The following ALG5 variants were observed in gnomAD, a reference collection of about 807,000 sequenced individuals.
ALG5 encodes ALG5 dolichyl-phosphate beta-glucosyltransferase, also known as dolichyl-phosphate beta-glucosyltransferase.
Under a neutral mutation model 51.8 loss-of-function variants are expected in ALG5, and 26 were observed. The ratio of observed to expected loss-of-function variants is 0.50; its 90% CI spans 0.37 to 0.70. The LOEUF is 0.70. ALG5 is among the 30% of genes least tolerant of loss of function. The pLI is 0.00. For missense variants in ALG5, 311 were observed against 399.3 expected (o/e 0.78, Z 1.88); for synonymous variants, 141 against 136.1 (o/e 1.04, Z -0.25).
At chr13:36,972,801 G>A (rs2058930969) in intron 6 of ALG5, among the ~76,000 whole-genome samples, 1 of 151,954 alleles carries the variant, frequency 6.6e-6, no homozygotes, top group Non-Finnish European at 1.5e-5. Context: ...GATCATCCTG[G>A]CTAACACAGC....
intron 4 of ALG5, among the ~76,000 whole-genome samples, chr13:36,992,261 CT>C (rs1264694853): frequency 2.6e-5 from 4 of 152,166 alleles, no homozygotes; most frequent in African/African-American, 4.8e-5. Flanking sequence ...AGAAAGTGGT[CT>C]TTACATCTTT....
chr13:36,950,267 C>G (rs1180446394), intron 9 of ALG5, among the ~76,000 whole-genome samples: 2 of 151,984 alleles, frequency 1.3e-5, no homozygotes, highest in Non-Finnish European at 2.9e-5. Context: ...TGAAATGAAA[C>G]TTGAGAGGAT....
chr13:36,966,518 A>T (rs1485152189), intron 7 of ALG5, among the ~76,000 whole-genome samples: 2 of 152,030 alleles, frequency 1.3e-5, no homozygotes, highest in African/African-American at 2.4e-5. Flanking sequence ...AAATAACAAA[A>T]TTTTTTTTAG....
rs552412658 is a variant in ALG5, at chr13:36,977,892, T to C, written c.562-5856A>G. ...AAATCAATCAAAATCTTTCTCAGTA[T>C]TTTTTTTTTTTTTTAATGGAATCTC... On this transcript the variant is annotated intron_variant, in intron 6 of 9. Transcript: ENST00000239891. 1.6e-4 allele frequency among the ~76,000 whole-genome samples: 8 copies of C among 50,868 alleles called. No homozygotes were observed. In the East Asian group the frequency reaches 0.026, roughly 164 times the overall value. 33.4% of individuals were successfully genotyped at this position (50,868 alleles called of 152,430 possible).
At chr13:36,950,863 G>C (rs1339418190) in intron 9 of ALG5, among the ~76,000 whole-genome samples, 2 of 151,976 alleles carry the variant, frequency 1.3e-5, no homozygotes, top group Non-Finnish European at 2.9e-5. Flanking sequence ...TGGGATTACA[G>C]GCATGAGTGA....
At position 36,949,935 on chromosome 13, in the gene ALG5, A is replaced by C; in HGVS notation, c.*7T>G. On this transcript the variant is annotated 3_prime_UTR_variant, in exon 10 of 10. Transcript: ENST00000239891. ...GCATAAGAACACAACTGAAGACTGC[A>C]AACAACCTAATTCATTTTCCGAGTT... 5.0e-6 allele frequency: 8 copies of C among 1,594,734 alleles called. No homozygotes were observed. Among genetic ancestry groups the C allele is most frequent in the South Asian group, 1.1e-5 (1 of 89,252 alleles).
rs560480476 is a variant in ALG5 at position 36,952,319 on chromosome 13, G to T, written c.859+195C>A. On this transcript the variant is annotated intron_variant, in intron 9 of 9. Transcript: ENST00000239891. The stretch of plus-strand genomic sequence containing the variant: ...AGGCCTACTGAAGGCCCCATGAACA[G>T]ACAAAAAATATAAAAGGCAGCAAGC... Among the ~76,000 whole-genome samples, 30 of 152,168 alleles carry T rather than the reference G, an allele frequency of 2.0e-4. No individual in the cohort carries two copies. The South Asian group carries it at 6.2e-3, about 32-fold the overall frequency.
At chr13:36,995,999 GGAA>G (rs2059048404) in intron 1 of ALG5, among the ~76,000 whole-genome samples, 2 of 152,236 alleles carry the variant, frequency 1.3e-5, no homozygotes, top group South Asian at 4.1e-4. Flanking sequence ...ATCGCTACTT[GGAA>G]TCTATATGTG....
chr13:36,993,807 A>C, intron 3 of ALG5, 135 bp from the exon 4 acceptor site: 1 of 675,340 alleles, frequency 1.5e-6, no homozygotes. Context: ...TTAGTGCACA[A>C]ACCGCATAAA....
At chr13:36,964,565 A>G (rs1209602947) in intron 8 of ALG5, among the ~76,000 whole-genome samples, 2 of 152,150 alleles carry the variant, frequency 1.3e-5, no homozygotes, top group African/African-American at 4.8e-5. Flanking sequence ...GGAGTATCAA[A>G]TGCTGCTGAT....
rs535981612 is a variant in ALG5, at chr13:36,999,176, C to T, written c.66+59G>A. On this transcript the variant is annotated intron_variant, in intron 1 of 9. Coordinates refer to ENST00000239891, the MANE Select transcript of ALG5 (RefSeq NM_013338.5). ...GCGGAGGAGGGGACGCCTGAGGAGC[C>T]GCAGTCTCCAGGAGAGCGGTAAGCC... 2,432 of 1,427,714 alleles carry T rather than the reference C, an allele frequency of 1.7e-3. 5 individuals carry two copies. The highest frequency in any genetic ancestry group is 2.1e-3 in the Non-Finnish European group (2,258 of 1,075,124). 88.4% of individuals were successfully genotyped at this position (1,427,714 alleles called of 1,614,324 possible).
intron 1 of ALG5, 56 bp downstream of exon 1, chr13:36,999,179 A>G: frequency 2.1e-6 from 3 of 1,430,330 alleles, no homozygotes; most frequent in Non-Finnish European, 2.8e-6. Context: ...GAGGAGCCGC[A>G]GTCTCCAGGA....
chr13:36,955,600 AAAG>A (rs1175846469), intron 8 of ALG5, among the ~76,000 whole-genome samples: 4 of 151,686 alleles, frequency 2.6e-5, no homozygotes, highest in Non-Finnish European at 5.9e-5. Context: ...CAAAACTAGA[AAAG>A]AAGAGAGAAG....
chr13:36,994,383 G>C (rs1188192722), intron 3 of ALG5, among the ~76,000 whole-genome samples: 26 of 152,060 alleles, frequency 1.7e-4, no homozygotes, highest in Admixed American at 1.6e-3. Context: ...TCCAATGGCA[G>C]CTAATGTTAC....
At chr13:36,971,870 T>C (rs966522045) in intron 7 of ALG5, 107 bp downstream of exon 7, 1 of 740,588 alleles carries the variant, frequency 1.4e-6, no homozygotes, top group Non-Finnish European at 2.2e-6. Flanking sequence ...AGGAACCTCA[T>C]GTTTAAGAGA....
At chr13:36,977,576 G>C (rs1468701140) in intron 6 of ALG5, among the ~76,000 whole-genome samples, 1 of 151,922 alleles carries the variant, frequency 6.6e-6, no homozygotes. Context: ...GGAATCGCTT[G>C]AGGCCATGAG....
At position 36,999,302 on chromosome 13, in the gene ALG5, C is replaced by T. The variant is rs371119626; in HGVS notation, c.-2G>A. The T allele has an allele frequency of 3.3e-5, 52 of 1,571,442 alleles. No homozygotes were observed. The highest frequency in any genetic ancestry group is 4.3e-5 in the Non-Finnish European group (50 of 1,162,054). On this transcript the variant is annotated 5_prime_UTR_variant, in exon 1 of 10. Transcript: ENST00000239891. Reference sequence around the variant, plus strand: ...CAGCTGCAACAGAAGCGGAGCCATTCTCCATGCCGTGGCAGCCCGCCCAAT... The same window carrying T: ...CAGCTGCAACAGAAGCGGAGCCATTTTCCATGCCGTGGCAGCCCGCCCAAT...
chr13:36,967,946 C>A, intron 7 of ALG5: 1 of 442,160 alleles, frequency 2.3e-6, no homozygotes, highest in Non-Finnish European at 3.8e-6. Context: ...TAAAACTATT[C>A]ATGACTGCTC....
At chr13:36,994,426 T>C (rs1264819385) in intron 3 of ALG5, among the ~76,000 whole-genome samples, 1 of 152,166 alleles carries the variant, frequency 6.6e-6, no homozygotes, top group Non-Finnish European at 1.5e-5. Context: ...CTCTTCTCCT[T>C]ATGTAGGGAA....
Sources: allele counts gnomAD v4.1 joint callset (sites outside exome capture counted in the v4.1 genomes callset), GRCh38; gene constraint gnomAD v4.1.1; transcripts MANE v1.5; gene names NCBI Gene and HGNC (gene_info 2026-07-23, HGNC 2026-07-21).